Variants in GREB1 observed in about 807,000 individuals in gnomAD.
GREB1 encodes growth regulating estrogen receptor binding 1.
In GREB1, 106 loss-of-function variants were observed where a neutral mutation model predicts 200.7. That is an observed-to-expected ratio of 0.53 (90% CI 0.45 to 0.62). The LOEUF is 0.62. GREB1 is among the 20% of genes least tolerant of loss of function. The pLI, the probability that GREB1 is intolerant of heterozygous loss-of-function variation, is 0.00. For synonymous variants in GREB1, 1,132 were observed against 1,092.4 expected, an observed-to-expected ratio of 1.04 and a Z score of -0.72; for missense variants, 2,243 against 2,556.8, an observed-to-expected ratio of 0.88 and a Z score of 2.65.
Position 11,585,752 on chromosome 2 carries a change from G to A in GREB1, c.1016-10G>A. ...CTGATGTTTTCACTAATATTCTTGG[G>A]TGTTCCTAGAGAGCGCAGGCATGTC... On this transcript the variant is annotated splice_polypyrimidine_tract_variant and intron_variant, in intron 8 of 32. Transcript: ENST00000381486. 1 of 1,612,548 alleles carries A rather than the reference G, an allele frequency of 6.2e-7. No homozygotes were observed. Among genetic ancestry groups the A allele is most frequent in the Non-Finnish European group, 8.5e-7 (1 of 1,179,966 alleles).
rs191864840 is a variant in GREB1 at position 11,572,292 on chromosome 2, G to C, written c.455-4061G>C. Among the ~76,000 whole-genome samples the C allele has an allele frequency of 3.3e-3, 509 of 152,284 alleles. 5 individuals are homozygous for C. The highest frequency in any genetic ancestry group is 0.011 in the African/African-American group (466 of 41,552). ...GGTGCAGTGGCTGTCAGCGAGATCT[G>C]CTTGGACTGTGGTTCTAGAAGAAAG... On this transcript the variant is annotated intron_variant, in intron 4 of 32. Coordinates refer to ENST00000381486, the MANE Select transcript of GREB1 (RefSeq NM_014668.4).
intron 13 of GREB1, among the ~76,000 whole-genome samples, chr2:11,596,447 AG>A (rs570048754): frequency 6.9e-5 from 3 of 43,228 alleles, no homozygotes; most frequent in Non-Finnish European, 1.2e-4. Flanking sequence ...GTGCACAGTG[AG>A]GGGGGTGGGG....
chr2:11,640,629 AAGACT>A lies in GREB1; in HGVS notation c.*176_*180del. The A allele has an allele frequency of 3.0e-6, 2 of 656,152 alleles. No individual in the cohort carries two copies. The highest frequency in any genetic ancestry group is 5.1e-6 in the Non-Finnish European group (2 of 390,376). 40.6% of individuals were successfully genotyped at this position (656,152 alleles called of 1,614,324 possible). On this transcript the variant is annotated 3_prime_UTR_variant, in exon 33 of 33. Transcript: ENST00000381486. This position sits in a 1 kb window ranked among gnomAD's most constrained non-coding sequence, Gnocchi z 4.6. Reference sequence around the variant, plus strand: ...CGAGGCCGTGGTCCTGGGAGCCAGGAAGACTCCGCAGTGGGTGAGAATGAAAACTT... The same window carrying A: ...CGAGGCCGTGGTCCTGGGAGCCAGGACCGCAGTGGGTGAGAATGAAAACTT...
chr2:11,605,180 C>T (rs1337345193), intron 17 of GREB1, among the ~76,000 whole-genome samples: 9 of 60,326 alleles, frequency 1.5e-4, no homozygotes, highest in African/African-American at 3.9e-4. Context: ...TTTTTTTACG[C>T]AGCAGCTTTA....
At chr2:11,592,013 G>C in intron 10 of GREB1, 1 of 983,920 alleles carries the variant, frequency 1.0e-6, no homozygotes, top group Non-Finnish European at 1.2e-6. Context: ...CTGTCCTGGA[G>C]TAGGAGAAAG....
chr2:11,563,692 C>T (rs1469557528), intron 3 of GREB1, among the ~76,000 whole-genome samples: 1 of 152,222 alleles, frequency 6.6e-6, no homozygotes, highest in African/African-American at 2.4e-5. Context: ...TTACATATGA[C>T]ACTATGGTAC....
rs373816391 is a variant in GREB1, at chr2:11,615,113, C to T, written c.3145C>T (p.Arg1049Ter). Reference protein sequence around the residue: ...LPRSLRYCDLRLINSSCLVRT... With the variant: ...LPRSLRYCDL ...TAGGTCTTTGAGGTACTGTGACCTG[C>T]GATTGATAAACTCCTCCTGCTTGGT... The change falls in exon 20 of 33, where the codon CGA becomes TGA. Residue 1049 changes from arginine to a stop codon, truncating the protein, a stop_gained. Transcript: ENST00000381486. LOFTEE classifies it high-confidence loss of function. 4.3e-6 allele frequency: 7 copies of T among 1,613,786 alleles called. No individual in the cohort carries two copies. Among genetic ancestry groups the T allele is most frequent in the African/African-American group, 2.7e-5 (2 of 74,916 alleles).
At chr2:11,625,985 A>G (rs1344352532) in intron 24 of GREB1, among the ~76,000 whole-genome samples, 1 of 152,194 alleles carries the variant, frequency 6.6e-6, no homozygotes. Flanking sequence ...GAAACCCCTT[A>G]GAAAACCATT....
chr2:11,620,974 G>C lies in GREB1; in HGVS notation c.4114G>C (p.Val1372Leu). Residue 1372 changes from valine (V) to leucine (L), a missense_variant, in exon 23 of 33, where the codon GTG becomes CTG. Physicochemically the swap from Val to Leu is conservative, Grantham distance 32. Around this residue, in one of 3 missense-constraint regions of GREB1, gnomAD observed 587 missense variants for 553.1 expected, o/e 1.06. Transcript: ENST00000381486. ...CAGGATGCTTGTTCGGCTCACAGAAGTGGATGTCTATGACGAGGAGGAGAT... is the reference window on the plus strand; with the variant it reads ...CAGGATGCTTGTTCGGCTCACAGAACTGGATGTCTATGACGAGGAGGAGAT... ...LSRMLVRLTE[V>L]DVYDEEEINI... 6.2e-7 allele frequency: 1 copy of C among 1,611,740 alleles called. No individual in the cohort carries two copies. Among genetic ancestry groups the C allele is most frequent in the East Asian group, 2.2e-5 (1 of 44,884 alleles).
chr2:11,617,665 G>T (rs1466613434), intron 21 of GREB1, among the ~76,000 whole-genome samples: 2 of 152,206 alleles, frequency 1.3e-5, no homozygotes, highest in Non-Finnish European at 2.9e-5. Context: ...GCTCAGGGGC[G>T]AGACGTGCAG....
At chr2:11,606,685 A>G (rs1333033991) in intron 17 of GREB1, among the ~76,000 whole-genome samples, 2 of 151,792 alleles carry the variant, frequency 1.3e-5, no homozygotes, top group Non-Finnish European at 2.9e-5. Flanking sequence ...TAGGCAGCTT[A>G]TAGTTGAGTC....
intron 9 of GREB1, chr2:11,587,834 G>A: frequency 9.6e-7 from 1 of 1,038,618 alleles, no homozygotes; most frequent in Admixed American, 5.3e-5. Context: ...GTTTAGGGCA[G>A]TTAAGCTTCT....
intron 26 of GREB1, 70 bp from the exon 27 acceptor site, chr2:11,631,839 G>T (rs1684900169): frequency 2.6e-6 from 3 of 1,164,690 alleles, no homozygotes; most frequent in African/African-American, 3.0e-5. Flanking sequence ...ATACTGCAAA[G>T]TCACATGTCA....
At chr2:11,596,697 A>G (rs1681275155) in intron 13 of GREB1, among the ~76,000 whole-genome samples, 1 of 81,122 alleles carries the variant, frequency 1.2e-5, no homozygotes, top group African/African-American at 5.0e-5. Context: ...GGGGTGGGGC[A>G]CAGGTGTGTA....
chr2:11,483,062 GC>G (rs986705989), intron 1 of GREB1, among the ~76,000 whole-genome samples: 1 of 151,732 alleles, frequency 6.6e-6, no homozygotes, highest in African/African-American at 2.4e-5. Flanking sequence ...GGGAAGGTGC[GC>G]CCCGCCGGAC....
chr2:11,560,949 C>T (rs1676958246), intron 2 of GREB1, among the ~76,000 whole-genome samples: 1 of 152,178 alleles, frequency 6.6e-6, no homozygotes, highest in Admixed American at 6.5e-5. Flanking sequence ...ATTCTGTGTA[C>T]CCAGAGCCAC....
chr2:11,532,047 T>C (rs1424915282), upstream of GREB1, among the ~76,000 whole-genome samples: 1 of 152,254 alleles, frequency 6.6e-6, no homozygotes, highest in Non-Finnish European at 1.5e-5. Flanking sequence ...TTTCTGTCAT[T>C]TGAATATGCC....
intron 1 of GREB1, among the ~76,000 whole-genome samples, chr2:11,522,564 C>T (rs1673738749): frequency 6.6e-6 from 1 of 152,154 alleles, no homozygotes; most frequent in African/African-American, 2.4e-5. Flanking sequence ...CCTCCCGGAG[C>T]TTTTGGCTTT....
In GREB1 at chr2:11,633,992, C is replaced by T. The variant is rs1685101815; in HGVS notation, c.4992-139C>T. 1.3e-6 allele frequency: 1 copy of T among 768,542 alleles called. No individual in the cohort carries two copies. Among genetic ancestry groups the T allele is most frequent in the East Asian group, 2.5e-5 (1 of 39,586 alleles). The allele number at this position is 768,542 out of a possible 1,614,324, so 47.6% of individuals were successfully genotyped here. Reference sequence around the variant, plus strand: ...GGGAAGCGCCCAGCAGGGTGCCTGGCCCTGGGGGGACTGTGCGGGGCACCG... The same window carrying T: ...GGGAAGCGCCCAGCAGGGTGCCTGGTCCTGGGGGGACTGTGCGGGGCACCG... On this transcript the variant is annotated intron_variant, in intron 28 of 32. Transcript: ENST00000381486. This position sits in a 1 kb window ranked among gnomAD's most constrained non-coding sequence, Gnocchi z 4.1.
Sources: gnomAD v4.1 joint callset for allele counts (sites outside exome capture counted in the v4.1 genomes callset) on GRCh38, gnomAD v4.1.1 for gene constraint, gnomAD v4.1.1 regional missense constraint, Gnocchi (gnomAD v3.1) non-coding constraint, MANE v1.5 for transcripts, NCBI Gene and HGNC (gene_info 2026-07-23, HGNC 2026-07-21) for gene names.